SLC5A7: variants seen among roughly 807,000 people sequenced by gnomAD.
The protein encoded by SLC5A7 is high affinity choline transporter 1.
A neutral mutation model predicts 55.4 loss-of-function variants in SLC5A7; 19 were observed. The ratio of observed to expected loss-of-function variants is 0.34; its 90% CI spans 0.24 to 0.50. The LOEUF (loss-of-function observed/expected upper bound fraction) is 0.50, where lower values mean the gene tolerates loss of function less well. SLC5A7 is among the 20% of genes least tolerant of loss of function. The probability of loss-of-function intolerance (pLI) is 0.98; values close to 1 mark genes in which losing one functional copy is unlikely to be tolerated. For synonymous variants in SLC5A7, 265 were observed against 263.7 expected, an observed-to-expected ratio of 1.00 and a Z score of -0.05; for missense variants, 506 against 705.3, an observed-to-expected ratio of 0.72 and a Z score of 3.20.
At position 108,010,815 on chromosome 2, in the gene SLC5A7, T is replaced by C. The variant is rs202227094; in HGVS notation, c.1697T>C (p.Val566Ala). ...ACCAATAAAGAGGCCTTCCTTGATG[T>C]TGATTCCAGTCCAGAAGGGTCTGGG... ...TFTNKEAFLDVDSSPEGSGTE... is the reference protein window; with the variant it reads ...TFTNKEAFLDADSSPEGSGTE... Residue 566 changes from valine to alanine, a missense_variant, in exon 9 of 9, where the codon GTT (valine) becomes GCT (alanine). By Grantham distance (64) the Val-to-Ala change is moderately conservative. This residue lies in a region of SLC5A7 where 137 missense variants were observed against 143.6 expected (regional missense o/e 0.95). Coordinates refer to ENST00000264047, the MANE Select transcript of SLC5A7 (RefSeq NM_021815.5). 1.2e-6 allele frequency: 2 copies of C among 1,610,986 alleles called. No homozygotes were observed. The highest frequency in any genetic ancestry group is 1.7e-4 in the Middle Eastern group (1 of 6,040).
intron 2 of SLC5A7, among the ~76,000 whole-genome samples, chr2:107,989,918 C>T (rs552338742): frequency 2.0e-5 from 3 of 151,696 alleles, no homozygotes; most frequent in Admixed American, 6.6e-5. Context: ...TTAAAAGGTA[C>T]GGAAAATATT....
rs755576066 is a variant in SLC5A7, at chr2:108,002,003, C to G, written c.704C>G (p.Ser235Cys). The G allele has an allele frequency of 3.1e-6, 5 of 1,614,186 alleles. No homozygotes were observed. Among genetic ancestry groups the G allele is most frequent in the Middle Eastern group, 1.7e-4 (1 of 6,058 alleles). The stretch of plus-strand genomic sequence containing the variant: ...CCGTGGCTGGGAACTGTTGACTCAT[C>G]TGAAGTCTACTCTTGGCTTGATAGT... ...QKPWLGTVDSSEVYSWLDSFL... is the reference protein window; with the variant it reads ...QKPWLGTVDSCEVYSWLDSFL... The change falls in exon 6 of 9, where the codon TCT becomes TGT. Residue 235 changes from serine to cysteine, a missense_variant. By Grantham distance (112) the Ser-to-Cys change is moderately radical (BLOSUM62 -1). Coordinates refer to ENST00000264047, the MANE Select transcript of SLC5A7 (RefSeq NM_021815.5).
At chr2:107,993,498 G>C (rs573295692) in intron 4 of SLC5A7, among the ~76,000 whole-genome samples, 1 of 152,284 alleles carries the variant, frequency 6.6e-6, no homozygotes, top group East Asian at 1.9e-4. Flanking sequence ...TGAACCAGGG[G>C]TTAGTGAGAA....
chr2:107,991,064 A>G (rs1440421387), intron 2 of SLC5A7, among the ~76,000 whole-genome samples: 1 of 152,164 alleles, frequency 6.6e-6, no homozygotes, highest in African/African-American at 2.4e-5. Context: ...CCTCTTCAAC[A>G]TTAGTTTTTC....
At chr2:107,988,368 C>G (rs1323091420) in intron 2 of SLC5A7, 35 bp downstream of exon 2, 1 of 1,578,634 alleles carries the variant, frequency 6.3e-7, no homozygotes, top group African/African-American at 1.3e-5. Context: ...ATGCAGTCCT[C>G]CCTTCCTTGG....
intron 4 of SLC5A7, among the ~76,000 whole-genome samples, chr2:107,996,641 TA>T (rs1677681787): frequency 6.6e-6 from 1 of 152,134 alleles, no homozygotes; most frequent in Non-Finnish European, 1.5e-5. Flanking sequence ...AAAAGGCTAC[TA>T]AAGCAACAAG....
At chr2:108,009,344 TTTTAC>T (rs1278254477) in intron 8 of SLC5A7, among the ~76,000 whole-genome samples, 7 of 152,174 alleles carry the variant, frequency 4.6e-5, no homozygotes, top group African/African-American at 1.7e-4. Context: ...TTGTTTTTAA[TTTTAC>T]TTTAAGTTCT....
intron 5 of SLC5A7, among the ~76,000 whole-genome samples, chr2:108,000,933 T>C (rs964540203): frequency 6.8e-6 from 1 of 146,552 alleles, no homozygotes; most frequent in Non-Finnish European, 1.5e-5. Flanking sequence ...TTCTTTTTTT[T>C]TTTTTTTTTT....
At chr2:108,006,683 A>G (rs1678136839) in intron 7 of SLC5A7, among the ~76,000 whole-genome samples, 1 of 152,114 alleles carries the variant, frequency 6.6e-6, no homozygotes, top group Non-Finnish European at 1.5e-5. Flanking sequence ...GATCTTTTAA[A>G]AATACGGATA....
chr2:108,009,403 G>A (rs971663326), intron 8 of SLC5A7, among the ~76,000 whole-genome samples: 2 of 152,080 alleles, frequency 1.3e-5, no homozygotes, highest in African/African-American at 4.8e-5. Flanking sequence ...ATAAGTGTAT[G>A]TGTGCCATGG....
chr2:108,004,842 C>A (rs1573610733), intron 6 of SLC5A7, among the ~76,000 whole-genome samples: 1 of 152,166 alleles, frequency 6.6e-6, no homozygotes, highest in East Asian at 1.9e-4. Flanking sequence ...TTCATTTCTG[C>A]AGGTTTTCCT....
chr2:108,004,035 CCCTCATGACCTGATTATTT>C, intron 6 of SLC5A7, among the ~76,000 whole-genome samples: 1 of 152,270 alleles, frequency 6.6e-6, no homozygotes, highest in East Asian at 1.9e-4. Flanking sequence ...GAGGGCTCCA[CCCTCATGACCTGATTATTT>C]CCCAAAGACC....
At chr2:108,004,841 G>A (rs1573610730) in intron 6 of SLC5A7, among the ~76,000 whole-genome samples, 1 of 152,102 alleles carries the variant, frequency 6.6e-6, no homozygotes, top group East Asian at 1.9e-4. Context: ...CTTCATTTCT[G>A]CAGGTTTTCC....
Position 108,006,237 on chromosome 2 carries a change from T to G in SLC5A7, c.895+35T>G. The G allele has an allele frequency of 1.9e-6, 3 of 1,611,362 alleles. No individual in the cohort carries two copies. In the South Asian group the frequency reaches 3.3e-5, roughly 18 times the overall value. On this transcript the variant is annotated intron_variant, in intron 7 of 8. Transcript: ENST00000264047. ...TTGCAGCTTCACCACATGTGCCAGT[T>G]AGTTTACCAATCCCCACCCAGACAC... is the stretch of plus-strand genomic sequence containing the variant.
rs138463262 is a variant in SLC5A7, at chr2:108,001,842, A to G, written c.598-55A>G. 368 of 1,598,216 alleles carry G rather than the reference A, an allele frequency of 2.3e-4. 1 individual carries two copies. Among genetic ancestry groups the G allele is most frequent in the African/African-American group, 2.1e-3 (157 of 74,796 alleles). On this transcript the variant is annotated intron_variant, in intron 5 of 8. Transcript: ENST00000264047. ...TGTGTGAGGTGTACAAATCTTGCAT[A>G]TATCAGACAGTTGAAAACCATCGCC... is the stretch of plus-strand genomic sequence containing the variant.
Position 108,001,642 on chromosome 2 carries a change from C to CA in SLC5A7, c.598-254dup, listed in dbSNP as rs527989764. On this transcript the variant is annotated intron_variant, in intron 5 of 8. Coordinates refer to ENST00000264047, the MANE Select transcript of SLC5A7 (RefSeq NM_021815.5). ...GAGCCGAGATCCCGCCACTGCACTC[C>CA]AGCCTGGGCGACAGAGCGAGACTCC... 2.8e-3 allele frequency among the ~76,000 whole-genome samples: 380 copies of CA among 135,978 alleles called. 1 individual carries two copies. Among genetic ancestry groups the CA allele is most frequent in the Admixed American group, 9.3e-3 (110 of 11,848 alleles). 89.2% of individuals were successfully genotyped at this position (135,978 alleles called of 152,430 possible).
Position 108,010,603 on chromosome 2 carries a change from C to T in SLC5A7, c.1485C>T (p.Ser495=). The part of the protein sequence containing the change: ...VTSFLTNICI[S]YLAKYLFESG... ...CATTCTTAACCAACATTTGCATCTC[C>T]TATCTAGCCAAGTATCTATTTGAAA... The change falls in exon 9 of 9, where the codon TCC becomes TCT. Residue 495 remains serine, a synonymous_variant. Coordinates refer to ENST00000264047, the MANE Select transcript of SLC5A7 (RefSeq NM_021815.5). The T allele has an allele frequency of 3.1e-6, 5 of 1,613,976 alleles. No homozygotes were observed. Among genetic ancestry groups the T allele is most frequent in the Non-Finnish European group, 4.2e-6 (5 of 1,179,942 alleles).
Position 108,010,279 on chromosome 2 carries a change from G to A in SLC5A7, c.1161G>A (p.Val387=), listed in dbSNP as rs2104382693. ...IVWVMRITVF[V]FGASATAMAL... ...GGGTTATGCGAATCACAGTGTTTGT[G>A]TTTGGAGCATCTGCAACAGCCATGG... The change falls in exon 9 of 9, where the codon GTG becomes GTA. Residue 387 remains valine (V), a synonymous_variant. Coordinates refer to ENST00000264047, the MANE Select transcript of SLC5A7 (RefSeq NM_021815.5). The A allele has an allele frequency of 3.7e-6, 6 of 1,613,930 alleles. No homozygotes were observed. The highest frequency in any genetic ancestry group is 4.2e-6 in the Non-Finnish European group (5 of 1,179,900).
At chr2:108,000,376 A>G (rs1677835861) in intron 5 of SLC5A7, among the ~76,000 whole-genome samples, 1 of 152,176 alleles carries the variant, frequency 6.6e-6, no homozygotes, top group African/African-American at 2.4e-5. Flanking sequence ...TAATTCACAG[A>G]AAACATAAAA....
Sources: gnomAD v4.1 joint callset for allele counts (sites outside exome capture counted in the v4.1 genomes callset) on GRCh38, gnomAD v4.1.1 for gene constraint, gnomAD v4.1.1 regional missense constraint, MANE v1.5 for transcripts, NCBI Gene and HGNC (gene_info 2026-07-23, HGNC 2026-07-21) for gene names.